Variants in FHIT observed in about 807,000 individuals in gnomAD.
The protein encoded by FHIT is fragile histidine triad diadenosine triphosphatase, also known as bis(5'-adenosyl)-triphosphatase.
A neutral mutation model predicts 17.9 loss-of-function variants in FHIT; 19 were observed. The observed-to-expected ratio is 1.06, with a 90% confidence interval of 0.74 to 1.56. The LOEUF (loss-of-function observed/expected upper bound fraction) is 1.56, where lower values mean the gene tolerates loss of function less well. Among genes scored for constraint, FHIT ranks in the 40% most tolerant of loss-of-function variants. The probability of loss-of-function intolerance (pLI) is 0.00; values close to 1 mark genes in which losing one functional copy is unlikely to be tolerated. For synonymous variants in FHIT, 81 were observed against 69.7 expected (o/e 1.16, Z -0.81); for missense variants, 248 against 189.2 (o/e 1.31, Z -1.82).
intron 7 of FHIT, among the ~76,000 whole-genome samples, chr3:59,948,536 AAAAT>A (rs1031563142): frequency 1.3e-5 from 2 of 151,442 alleles, no homozygotes; most frequent in Admixed American, 6.6e-5. Context: ...AAAATAAAAA[AAAAT>A]AAATAAATAA....
chr3:60,254,700 T>C (rs998947490), intron 5 of FHIT, among the ~76,000 whole-genome samples: 1 of 152,146 alleles, frequency 6.6e-6, no homozygotes, highest in African/African-American at 2.4e-5. Flanking sequence ...TTACTTCCCA[T>C]GTTCTTCAGC....
chr3:60,674,030 A>G (rs1553694667), intron 4 of FHIT, among the ~76,000 whole-genome samples: 1 of 140,294 alleles, frequency 7.1e-6, no homozygotes, highest in Non-Finnish European at 1.5e-5. Flanking sequence ...CTGGACCTCA[A>G]ATTGTACAAA....
chr3:60,835,855 T>A (rs149554378), intron 3 of FHIT, among the ~76,000 whole-genome samples: 1 of 152,180 alleles, frequency 6.6e-6, no homozygotes, highest in Non-Finnish European at 1.5e-5. Flanking sequence ...GCTCCAGCAA[T>A]CCACCTGCCT....
At chr3:60,222,111 A>C (rs1383133812) in intron 5 of FHIT, among the ~76,000 whole-genome samples, 1 of 152,182 alleles carries the variant, frequency 6.6e-6, no homozygotes, top group Non-Finnish European at 1.5e-5. Context: ...ATTTCCATCC[A>C]GGAGACAATC....
chr3:59,950,239 G>C (rs937139520), intron 7 of FHIT, among the ~76,000 whole-genome samples: 1 of 152,166 alleles, frequency 6.6e-6, no homozygotes, highest in Non-Finnish European at 1.5e-5. Flanking sequence ...TCACTGCTGT[G>C]AGTTAAGAGG....
chr3:59,948,829 CAT>C (rs1575748218), intron 7 of FHIT, among the ~76,000 whole-genome samples: 1 of 151,896 alleles, frequency 6.6e-6, no homozygotes, highest in African/African-American at 2.4e-5. Context: ...TTTTTTCTAT[CAT>C]AAAGTTTTTT....
chr3:60,251,543 A>G (rs181169147), intron 5 of FHIT, among the ~76,000 whole-genome samples: 1 of 152,228 alleles, frequency 6.6e-6, no homozygotes, highest in Non-Finnish European at 1.5e-5. Flanking sequence ...TCCAAAGTTT[A>G]TATTTAAAAA....
intron 4 of FHIT, among the ~76,000 whole-genome samples, chr3:60,775,641 G>C (rs2108083800): frequency 6.6e-6 from 1 of 152,294 alleles, no homozygotes; most frequent in South Asian, 2.1e-4. Flanking sequence ...GCCCAACGTG[G>C]GGACTCGAGA....
At chr3:60,887,281 TTTG>T (rs532413914) in intron 3 of FHIT, among the ~76,000 whole-genome samples, 1 of 152,320 alleles carries the variant, frequency 6.6e-6, no homozygotes, top group Admixed American at 6.5e-5. Flanking sequence ...GGACTTTTGT[TTTG>T]TTTTGTTTTT....
At chr3:60,474,972 C>G (rs2033272309) in intron 5 of FHIT, among the ~76,000 whole-genome samples, 1 of 152,162 alleles carries the variant, frequency 6.6e-6, no homozygotes, top group Non-Finnish European at 1.5e-5. Context: ...ATCACAAATA[C>G]AACTGACTGT....
At chr3:60,639,131 T>C (rs1239156216) in intron 4 of FHIT, among the ~76,000 whole-genome samples, 1 of 149,730 alleles carries the variant, frequency 6.7e-6, no homozygotes, top group Non-Finnish European at 1.5e-5. Flanking sequence ...AGCAACTTTG[T>C]GTCCTAAGGG....
chr3:60,438,598 A>G (rs1194599928), intron 5 of FHIT, among the ~76,000 whole-genome samples: 1 of 148,938 alleles, frequency 6.7e-6, no homozygotes, highest in African/African-American at 2.6e-5. Flanking sequence ...TTAAACTAAG[A>G]AGAACTGAGG....
At chr3:60,723,739 T>C (rs1028182524) in intron 4 of FHIT, among the ~76,000 whole-genome samples, 1 of 152,212 alleles carries the variant, frequency 6.6e-6, no homozygotes, top group Non-Finnish European at 1.5e-5. Context: ...ATAACAATGC[T>C]GAGTCCTAGG....
intron 5 of FHIT, among the ~76,000 whole-genome samples, chr3:60,134,952 AAG>A (rs1699751167): frequency 6.6e-6 from 1 of 152,068 alleles, no homozygotes; most frequent in Non-Finnish European, 1.5e-5. Flanking sequence ...GAGTAGAGGA[AAG>A]AGAAAGGTGG....
intron 5 of FHIT, among the ~76,000 whole-genome samples, chr3:60,230,048 T>A (rs1246089175): frequency 1.3e-5 from 2 of 152,264 alleles, no homozygotes; most frequent in Admixed American, 1.3e-4. Context: ...ATATTTTACT[T>A]AAGATTTCAA....
intron 4 of FHIT, among the ~76,000 whole-genome samples, chr3:60,634,179 G>C (rs1282591474): frequency 6.6e-6 from 1 of 152,060 alleles, no homozygotes; most frequent in Non-Finnish European, 1.5e-5. Flanking sequence ...AGTGAGTTCT[G>C]GGGACACAAA....
chr3:60,520,233 C>G (rs938916481), intron 5 of FHIT, among the ~76,000 whole-genome samples: 4 of 151,830 alleles, frequency 2.6e-5, no homozygotes, highest in Non-Finnish European at 5.9e-5. Flanking sequence ...TTAGATATTT[C>G]TAGCTAGTTT....
rs1553751259 is a variant in FHIT, at chr3:60,860,293, GAGAT to G, written c.-110-38286_-110-38283del. On this transcript the variant is annotated intron_variant, in intron 3 of 9. Coordinates refer to ENST00000492590, the MANE Select transcript of FHIT (RefSeq NM_002012.4). ...CATGAGATACATCATATGTATACAT[GAGAT>G]ACATCATATGTATACATGAGATACA... Among the ~76,000 whole-genome samples, 68 of 147,910 alleles carry G rather than the reference GAGAT, an allele frequency of 4.6e-4. 1 individual carries two copies. The highest frequency in any genetic ancestry group is 9.5e-4 in the Admixed American group (14 of 14,766).
chr3:60,994,327 G>C (rs2030495422), intron 3 of FHIT, among the ~76,000 whole-genome samples: 1 of 152,278 alleles, frequency 6.6e-6, no homozygotes, highest in East Asian at 1.9e-4. Context: ...TTAAAGGATG[G>C]AGAACGTGGG....
Sources: gnomAD v4.1 joint callset for allele counts (sites outside exome capture counted in the v4.1 genomes callset) on GRCh38, gnomAD v4.1.1 for gene constraint, MANE v1.5 for transcripts, NCBI Gene and HGNC (gene_info 2026-07-23, HGNC 2026-07-21) for gene names.